CPT1C: variants seen among roughly 807,000 people sequenced by gnomAD.
CPT1C encodes the protein carnitine palmitoyltransferase 1C, also known as palmitoyl thioesterase CPT1C.
Under a neutral mutation model 97.3 loss-of-function variants are expected in CPT1C, and 61 were observed. The ratio of observed to expected loss-of-function variants is 0.63; its 90% CI spans 0.51 to 0.78. The LOEUF is 0.78. Among genes scored for constraint, CPT1C ranks in the 30% least tolerant of loss-of-function variants. The pLI is 0.00. For missense variants in CPT1C, 975 were observed against 1,065.5 expected, an observed-to-expected ratio of 0.92 and a Z score of 1.18; for synonymous variants, 469 against 447.2, an observed-to-expected ratio of 1.05 and a Z score of -0.61.
intron 7 of CPT1C, among the ~76,000 whole-genome samples, chr19:49,703,595 C>CCTTCCTTCCTT (rs1568525615): frequency 6.1e-4 from 46 of 75,832 alleles, no homozygotes; most frequent in African/African-American, 2.8e-3. Flanking sequence ...CTCCCTCCCT[C>CCTTCCTTCCTT]CCTTCCTTCC....
At chr19:49,704,637 C>T in intron 7 of CPT1C, 73 bp from the exon 8 acceptor site, 1 of 1,178,896 alleles carries the variant, frequency 8.5e-7, no homozygotes, top group South Asian at 1.3e-5. Flanking sequence ...GCATCTGGGG[C>T]CTTCCCTGTC....
At chr19:49,700,139 C>T (rs906637124) in intron 4 of CPT1C, among the ~76,000 whole-genome samples, 2 of 151,304 alleles carry the variant, frequency 1.3e-5, no homozygotes, top group Non-Finnish European at 2.9e-5. Flanking sequence ...CCCAGCTACT[C>T]CGGAGGCTGA....
chr19:49,703,152 C>T (rs1262742659), intron 7 of CPT1C, among the ~76,000 whole-genome samples: 1 of 136,600 alleles, frequency 7.3e-6, no homozygotes, highest in Non-Finnish European at 1.6e-5. Flanking sequence ...TTCCTACCTT[C>T]TTTCCTGCCT....
chr19:49,706,161 T>C lies in CPT1C; in HGVS notation c.1160+57T>C. ...TCAGAGGCCGCCAGTGTCCTGAGAC[T>C]GTGGAAGGGCAGGGTGGGGCCAGGT... On this transcript the variant is annotated intron_variant, in intron 11 of 19. Transcript: ENST00000598293. This position sits in a 1 kb window ranked among gnomAD's most constrained non-coding sequence, Gnocchi z 4.8. 6.4e-7 allele frequency: 1 copy of C among 1,566,488 alleles called. No individual in the cohort carries two copies.
chr19:49,712,559 G>T lies in CPT1C; in HGVS notation c.2020-177G>T. The T allele has an allele frequency of 5.0e-6, 3 of 602,432 alleles. No homozygotes were observed. The South Asian group carries it at 5.7e-5, about 11-fold the overall frequency. 37.3% of individuals were successfully genotyped at this position (602,432 alleles called of 1,614,324 possible). The stretch of plus-strand genomic sequence containing the variant: ...GAGGAGAGGGACGTGGGTGTGGGTG[G>T]TGAGACGAGTGAGGGGCGTGGCCAG... On this transcript the variant is annotated intron_variant, in intron 17 of 19. Transcript: ENST00000598293.
At position 49,712,751 on chromosome 19, in the gene CPT1C, T is replaced by C; in HGVS notation, c.2035T>C (p.Trp679Arg). 6.2e-7 allele frequency: 1 copy of C among 1,613,764 alleles called. No individual in the cohort carries two copies. The highest frequency in any genetic ancestry group is 8.5e-7 in the Non-Finnish European group (1 of 1,179,722). ...PFLTQVHSEQ[W>R]QLSTSQIPVQ... is the part of the protein sequence containing the mutation. ...CTGTCCTCAGGTCCATTCGGAGCAG[T>C]GGCAGCTGTCCACCAGCCAGATCCC... Residue 679 changes from tryptophan (W) to arginine (R), a missense_variant, in exon 18 of 20, where the codon TGG becomes CGG. Around this residue, in one of 3 missense-constraint regions of CPT1C, gnomAD observed 344 missense variants for 395.7 expected, o/e 0.87. Coordinates refer to ENST00000598293, the MANE Select transcript of CPT1C (RefSeq NM_001199753.2).
At chr19:49,696,950 A>T (rs2082709337) in intron 3 of CPT1C, among the ~76,000 whole-genome samples, 1 of 151,904 alleles carries the variant, frequency 6.6e-6, no homozygotes, top group Non-Finnish European at 1.5e-5. Context: ...GGCTCAAGGG[A>T]TTCTCCTCCT....
intron 3 of CPT1C, 128 bp from the exon 4 acceptor site, chr19:49,697,198 C>A (rs1002215601): frequency 4.3e-6 from 5 of 1,165,060 alleles, no homozygotes; most frequent in Non-Finnish European, 6.3e-6. Flanking sequence ...TCTCTCTGTT[C>A]CCTACTAGAT....
Position 49,704,789 on chromosome 19 carries a change from T to A in CPT1C, c.771+2T>A. On this transcript the variant is annotated splice_donor_variant, in intron 8 of 19. Coordinates refer to ENST00000598293, the MANE Select transcript of CPT1C (RefSeq NM_001199753.2). LOFTEE classifies it high-confidence loss of function. Reference sequence around the variant, plus strand: ...GTGAACAGCAACTATTACATGATGGTGAGAAGGGGAGGGGTGAGGTTCATA... The same window carrying A: ...GTGAACAGCAACTATTACATGATGGAGAGAAGGGGAGGGGTGAGGTTCATA... The A allele has an allele frequency of 6.2e-7, 1 of 1,613,568 alleles. No individual in the cohort carries two copies. Among genetic ancestry groups the A allele is most frequent in the East Asian group, 2.2e-5 (1 of 44,856 alleles).
intron 7 of CPT1C, among the ~76,000 whole-genome samples, chr19:49,702,963 T>A (rs2083268958): frequency 6.6e-6 from 1 of 151,996 alleles, no homozygotes; most frequent in African/African-American, 2.4e-5. Flanking sequence ...CCTCAGTTGG[T>A]CAAACCCAGC....
intron 4 of CPT1C, among the ~76,000 whole-genome samples, 166 bp from the exon 5 acceptor site, chr19:49,700,518 G>A (rs1399942253): frequency 6.6e-6 from 1 of 152,192 alleles, no homozygotes; most frequent in African/African-American, 2.4e-5. Flanking sequence ...CTGCCACAAT[G>A]GGAGGGGGCT....
upstream of CPT1C, chr19:49,691,049 C>T (rs766889966): frequency 6.6e-6 from 1 of 151,892 alleles, no homozygotes; most frequent in African/African-American, 2.4e-5. Flanking sequence ...GATTGGACGC[C>T]GTGGCTCGAA....
rs1568548235 is a variant in CPT1C at position 49,712,972 on chromosome 19, G to A, written c.2134G>A (p.Ala712Thr). ...TTCCCTTCACTCTTTCCGTCTCCAG[G>A]CTGATGACCATGGTTATGGTGTTTC... ...YVSSGGGFGP[A>T]DDHGYGVSYI... is the part of the protein sequence containing the mutation. The change falls in exon 19 of 20, where the codon GCT becomes ACT. Residue 712 changes from alanine (A) to threonine (T), a missense_variant and splice_region_variant. Physicochemically the swap from Ala to Thr is moderately conservative, Grantham distance 58 (BLOSUM62 0). Coordinates refer to ENST00000598293, the MANE Select transcript of CPT1C (RefSeq NM_001199753.2). 6.2e-7 allele frequency: 1 copy of A among 1,613,592 alleles called. No individual in the cohort carries two copies. Among genetic ancestry groups the A allele is most frequent in the Admixed American group, 1.7e-5 (1 of 60,006 alleles).
chr19:49,701,071 C>A (rs2083009113), intron 5 of CPT1C, among the ~76,000 whole-genome samples: 2 of 93,862 alleles, frequency 2.1e-5, no homozygotes, highest in East Asian at 3.1e-4. Context: ...CTCCGTCCCC[C>A]CCTCTGGGTC....
chr19:49,700,085 A>T (rs2082913582), intron 4 of CPT1C, among the ~76,000 whole-genome samples: 1 of 150,644 alleles, frequency 6.6e-6, no homozygotes, highest in Non-Finnish European at 1.5e-5. Flanking sequence ...ATCTCTACTA[A>T]AAATAACAAC....
chr19:49,706,280 G>A lies in CPT1C; in HGVS notation c.1210G>A (p.Ala404Thr). ...RTSLKTQAAE[A>T]LEAVEGAAFF... Reference sequence around the variant, plus strand: ...ATCCCTGAAGACCCAGGCAGCGGAGGCCCTGGAGGCGGTGGAAGGGGCCGC... The same window carrying A: ...ATCCCTGAAGACCCAGGCAGCGGAGACCCTGGAGGCGGTGGAAGGGGCCGC... Residue 404 changes from alanine (A) to threonine (T), a missense_variant, in exon 12 of 20, where the codon GCC becomes ACC. By Grantham distance (58) the Ala-to-Thr change is moderately conservative (BLOSUM62 0). Transcript: ENST00000598293. The surrounding 1 kb of genome is among the most constrained non-coding windows in gnomAD (Gnocchi z 4.8). 6.5e-7 allele frequency: 1 copy of A among 1,538,274 alleles called. No individual in the cohort carries two copies. Among genetic ancestry groups the A allele is most frequent in the Non-Finnish European group, 8.7e-7 (1 of 1,145,670 alleles).
chr19:49,701,281 T>G, intron 5 of CPT1C, 36 bp from the exon 6 acceptor site: 1 of 1,568,428 alleles, frequency 6.4e-7, no homozygotes, highest in Non-Finnish European at 8.7e-7. Flanking sequence ...CTGGCTCCGG[T>G]GAGGGGTTAA....
chr19:49,713,308 C>T (rs1201132336), intron 19 of CPT1C, 112 bp from the exon 20 acceptor site: 3 of 1,059,374 alleles, frequency 2.8e-6, no homozygotes, highest in African/African-American at 3.2e-5. Flanking sequence ...GAGTCCAGGC[C>T]CCAGCTCCTC....
chr19:49,695,239 C>T (rs929097434), intron 3 of CPT1C, among the ~76,000 whole-genome samples: 1 of 150,956 alleles, frequency 6.6e-6, no homozygotes, highest in African/African-American at 2.4e-5. Context: ...TACATGCACA[C>T]ACATATATAT....
Sources: allele counts gnomAD v4.1 joint callset (sites outside exome capture counted in the v4.1 genomes callset), GRCh38; gene constraint gnomAD v4.1.1; regional missense constraint gnomAD v4.1.1; non-coding constraint Gnocchi (gnomAD v3.1); transcripts MANE v1.5; gene names NCBI Gene and HGNC (gene_info 2026-07-23, HGNC 2026-07-21).